Variants in BRD10 observed in about 807,000 individuals in gnomAD.
BRD10 encodes the protein bromodomain containing 10.
chr9:5,960,565 A>AC, the BRD10 span, among the ~76,000 whole-genome samples: 2 of 148,790 alleles, frequency 1.3e-5, no homozygotes, highest in African/African-American at 4.9e-5. Flanking sequence ...TCTGTCTCAA[A>AC]AAAAAAAAAA....
chr9:5,983,690 T>A, the BRD10 span, among the ~76,000 whole-genome samples: 4 of 152,066 alleles, frequency 2.6e-5, no homozygotes, highest in Non-Finnish European at 5.9e-5. Context: ...TGAAAGTCTA[T>A]GGATCAAAGA....
At chr9:5,901,675 C>A in the BRD10 span, among the ~76,000 whole-genome samples, 1 of 152,082 alleles carries the variant, frequency 6.6e-6, no homozygotes, top group Non-Finnish European at 1.5e-5. Flanking sequence ...TAAGCCACCA[C>A]GCCTGGCTAA....
chr9:6,007,952 T>C, the BRD10 span: 5 of 1,307,750 alleles, frequency 3.8e-6, no homozygotes, highest in East Asian at 3.2e-5. Context: ...GCGGGGGTCT[T>C]GAGCTCACCG....
chr9:5,951,206 G>A, the BRD10 span, among the ~76,000 whole-genome samples: 1 of 151,800 alleles, frequency 6.6e-6, no homozygotes, highest in African/African-American at 2.4e-5. Context: ...ATATAAACAT[G>A]GATTCTTTCT....
the BRD10 span, among the ~76,000 whole-genome samples, chr9:6,008,442 C>A: frequency 5.3e-5 from 8 of 151,926 alleles, no homozygotes; most frequent in East Asian, 1.6e-3. Context: ...TGGAGAGAAG[C>A]AAAGAAAGAG....
chr9:5,908,828 A>G, the BRD10 span: 67 of 899,214 alleles, frequency 7.5e-5, no homozygotes, highest in Non-Finnish European at 1.1e-4. Context: ...GCCATCTCTA[A>G]TAATAAGTCA....
At chr9:6,007,503 C>T in the BRD10 span, 1 of 1,612,792 alleles carries the variant, frequency 6.2e-7, no homozygotes, top group Non-Finnish European at 8.5e-7. Flanking sequence ...CGGTGAGGCC[C>T]CGGTGCTTCT....
At chr9:5,885,379 C>A in the BRD10 span, among the ~76,000 whole-genome samples, 1 of 23,780 alleles carries the variant, frequency 4.2e-5, no homozygotes, top group Non-Finnish European at 1.7e-4. Context: ...CGTATGTTAT[C>A]TCTTTTTTTT....
chr9:5,926,703 T>C, the BRD10 span, among the ~76,000 whole-genome samples: 8 of 151,878 alleles, frequency 5.3e-5, no homozygotes, highest in South Asian at 1.7e-3. Context: ...GGCTAATTTT[T>C]TGTGTTTTTA....
the BRD10 span, chr9:5,954,084 C>A: frequency 3.9e-6 from 6 of 1,544,438 alleles, no homozygotes; most frequent in East Asian, 4.7e-5. Flanking sequence ...TTTTTAGAGA[C>A]GGATTTTTTT....
At chr9:6,006,790 A>C in the BRD10 span, among the ~76,000 whole-genome samples, 2 of 152,206 alleles carry the variant, frequency 1.3e-5, no homozygotes, top group African/African-American at 2.4e-5. Flanking sequence ...ATAAGCCAAA[A>C]TTATTTTTCT....
At chr9:5,962,417 T>A in the BRD10 span, among the ~76,000 whole-genome samples, 1 of 104,838 alleles carries the variant, frequency 9.5e-6, no homozygotes, top group Non-Finnish European at 2.0e-5. Flanking sequence ...CAATAATCAA[T>A]AGTTTACCAA....
chr9:6,004,638 T>G, the BRD10 span, among the ~76,000 whole-genome samples: 1 of 152,242 alleles, frequency 6.6e-6, no homozygotes, highest in Non-Finnish European at 1.5e-5. Flanking sequence ...ATTCAAATAA[T>G]ATCTAAGTGA....
chr9:5,989,235 TAAAAAAAA>T, the BRD10 span, among the ~76,000 whole-genome samples: 30 of 46,178 alleles, frequency 6.5e-4, no homozygotes, highest in African/African-American at 2.0e-3. Flanking sequence ...TCTGTCTCAT[TAAAAAAAA>T]AAAAAAAAAA....
At chr9:6,007,581 G>A in the BRD10 span, 2 of 1,609,258 alleles carry the variant, frequency 1.2e-6, no homozygotes, top group South Asian at 1.1e-5. Flanking sequence ...GCTCCTTGCA[G>A]CAACCGCCTC....
the BRD10 span, among the ~76,000 whole-genome samples, chr9:5,900,719 T>C: frequency 6.6e-6 from 1 of 152,208 alleles, no homozygotes; most frequent in East Asian, 1.9e-4. Flanking sequence ...ACAATTCCCC[T>C]GAGCCCTGGA....
the BRD10 span, among the ~76,000 whole-genome samples, chr9:5,971,052 C>CAAAAAAAAAAAAAAAAAAA: frequency 2.3e-5 from 1 of 43,198 alleles, no homozygotes; most frequent in Non-Finnish European, 4.7e-5. Context: ...AGCAACGTCT[C>CAAAAAAAAAAAAAAAAAAA]AAAAAAAAAA....
the BRD10 span, among the ~76,000 whole-genome samples, chr9:5,930,368 A>G: frequency 2.2e-4 from 19 of 86,444 alleles, no homozygotes; most frequent in Non-Finnish European, 4.9e-4. Flanking sequence ...ATATAAGGAG[A>G]TTATATATAT....
chr9:5,906,823 T>C, the BRD10 span: 1 of 1,154,264 alleles, frequency 8.7e-7, no homozygotes, highest in Non-Finnish European at 1.2e-6. Flanking sequence ...CTTCCTTCTC[T>C]TTTCTTTAAT....
Sources: gnomAD v4.1 joint callset for allele counts (sites outside exome capture counted in the v4.1 genomes callset) on GRCh38, gnomAD v4.1.1 for gene constraint, MANE v1.5 for transcripts, NCBI Gene and HGNC (gene_info 2026-07-23, HGNC 2026-07-21) for gene names.